Variants in SYNDIG1 observed in about 807,000 individuals in gnomAD.
The protein encoded by SYNDIG1 is synapse differentiation inducing 1, also known as synapse differentiation-inducing gene protein 1.
Under a neutral mutation model 19.4 loss-of-function variants are expected in SYNDIG1, and 9 were observed. The ratio of observed to expected loss-of-function variants is 0.46; its 90% confidence interval spans 0.28 to 0.81. The LOEUF is 0.81. Ranked by LOEUF, SYNDIG1 falls within the 30% of genes least tolerant of loss-of-function variation. The pLI is 0.12. For synonymous variants in SYNDIG1, 141 were observed against 145.9 expected (o/e 0.97, Z 0.24); for missense variants, 311 against 343.3 (o/e 0.91, Z 0.74).
intron 1 of SYNDIG1, among the ~76,000 whole-genome samples, chr20:24,535,110 C>T (rs971790326): frequency 6.6e-6 from 1 of 152,190 alleles, no homozygotes; most frequent in Non-Finnish European, 1.5e-5. Flanking sequence ...GACTCTTTAC[C>T]TGTTATGATC....
intron 3 of SYNDIG1, among the ~76,000 whole-genome samples, chr20:24,647,514 G>A (rs537333560): frequency 5.6e-4 from 85 of 152,080 alleles, no homozygotes; most frequent in African/African-American, 2.0e-3. Context: ...CCCAAAGTGC[G>A]GCACAGGGGA....
chr20:24,617,345 C>T (rs143986585), intron 3 of SYNDIG1, among the ~76,000 whole-genome samples: 1 of 152,300 alleles, frequency 6.6e-6, no homozygotes, highest in East Asian at 1.9e-4. Context: ...GCTGCCCTGT[C>T]ACCTCCGCAC....
At chr20:24,540,829 T>G (rs1457988670) in intron 1 of SYNDIG1, among the ~76,000 whole-genome samples, 1 of 152,178 alleles carries the variant, frequency 6.6e-6, no homozygotes, top group Non-Finnish European at 1.5e-5. Context: ...TTTACATCAG[T>G]GTTCATAAGG....
chr20:24,588,475 C>T (rs1425992412), intron 3 of SYNDIG1, among the ~76,000 whole-genome samples: 1 of 152,220 alleles, frequency 6.6e-6, no homozygotes, highest in Non-Finnish European at 1.5e-5. Flanking sequence ...TCCTGGACCC[C>T]CTAGGCACTT....
intron 1 of SYNDIG1, among the ~76,000 whole-genome samples, chr20:24,477,977 T>A (rs1326855419): frequency 6.6e-6 from 1 of 152,212 alleles, no homozygotes; most frequent in African/African-American, 2.4e-5. Context: ...AGGATTTGGC[T>A]CTGGGCTGGA....
chr20:24,519,038 G>C (rs2056948786), intron 1 of SYNDIG1, among the ~76,000 whole-genome samples: 1 of 152,198 alleles, frequency 6.6e-6, no homozygotes, highest in African/African-American at 2.4e-5. Flanking sequence ...ATGGCCCCAG[G>C]AATAAACTTG....
chr20:24,636,845 A>C (rs2059321134), intron 3 of SYNDIG1, among the ~76,000 whole-genome samples: 1 of 152,240 alleles, frequency 6.6e-6, no homozygotes, highest in African/African-American at 2.4e-5. Flanking sequence ...TACCCTCGCT[A>C]TCTGCCTAAA....
chr20:24,591,233 T>A (rs6049797), intron 3 of SYNDIG1, among the ~76,000 whole-genome samples: 92,126 of 150,324 alleles, frequency 0.61, 28,164 homozygotes, highest in Admixed American at 0.67. Flanking sequence ...ACAAAAATTT[T>A]AAAAAAAAAA....
intron 3 of SYNDIG1, among the ~76,000 whole-genome samples, chr20:24,594,061 T>C (rs1412381418): frequency 6.6e-6 from 1 of 152,204 alleles, no homozygotes; most frequent in Non-Finnish European, 1.5e-5. Context: ...CAATTTTTGG[T>C]TTTGTTTCTA....
At chr20:24,609,233 G>A (rs1174828777) in intron 3 of SYNDIG1, among the ~76,000 whole-genome samples, 1 of 152,210 alleles carries the variant, frequency 6.6e-6, no homozygotes, top group Non-Finnish European at 1.5e-5. Context: ...GGTGCTTAGG[G>A]AGTTATAAGA....
At chr20:24,618,046 C>CCGGGA (rs2058971647) in intron 3 of SYNDIG1, among the ~76,000 whole-genome samples, 1 of 101,654 alleles carries the variant, frequency 9.8e-6, no homozygotes, top group African/African-American at 3.9e-5. Context: ...GGGGAGAGCC[C>CCGGGA]GGGAAGCAGG....
intron 3 of SYNDIG1, among the ~76,000 whole-genome samples, chr20:24,609,470 G>A (rs374252138): frequency 2.0e-5 from 3 of 152,168 alleles, no homozygotes; most frequent in Admixed American, 6.5e-5. Context: ...CCATATGTAC[G>A]TCCCTGGAAG....
At chr20:24,661,404 GGAAAGAAGGAGGAGTT>G (rs2059588957) in intron 3 of SYNDIG1, among the ~76,000 whole-genome samples, 1 of 15,994 alleles carries the variant, frequency 6.3e-5, no homozygotes, top group African/African-American at 2.3e-4. Context: ...GGAGGAGGTA[GGAAAGAAGGAGGAGTT>G]AGGAAGGAGG....
chr20:24,568,031 C>T (rs2058082759), intron 2 of SYNDIG1, among the ~76,000 whole-genome samples: 1 of 152,060 alleles, frequency 6.6e-6, no homozygotes, highest in South Asian at 2.1e-4. Context: ...ATCCCAGCTA[C>T]TTGGGAGGCT....
rs571642270 is a variant in SYNDIG1 at position 24,547,428 on chromosome 20, G to A, written c.480+3851G>A. ...ATTTATGGGAGGTTCTCAACTATTC[G>A]GCAAGTGTTTATGATCTGTCCTGCT... On this transcript the variant is annotated intron_variant, in intron 2 of 3. Transcript: ENST00000376862. Among the ~76,000 whole-genome samples, 6 of 152,264 alleles carry A rather than the reference G, an allele frequency of 3.9e-5. 1 individual carries two copies. Among genetic ancestry groups the A allele is most frequent in the South Asian group, 4.2e-4 (2 of 4,814 alleles).
At chr20:24,654,324 C>T (rs1418762145) in intron 3 of SYNDIG1, among the ~76,000 whole-genome samples, 1 of 151,744 alleles carries the variant, frequency 6.6e-6, no homozygotes, top group African/African-American at 2.4e-5. Flanking sequence ...AGAGACAAAG[C>T]AGGAAGTAGA....
intron 1 of SYNDIG1, among the ~76,000 whole-genome samples, chr20:24,533,490 G>A (rs971695696): frequency 1.2e-4 from 18 of 152,278 alleles, no homozygotes; most frequent in African/African-American, 3.9e-4. Context: ...GTTGACAATA[G>A]TCTGATGCCT....
At chr20:24,601,551 G>T (rs1307445168) in intron 3 of SYNDIG1, among the ~76,000 whole-genome samples, 3 of 151,958 alleles carry the variant, frequency 2.0e-5, no homozygotes, top group South Asian at 2.1e-4. Flanking sequence ...CTAGGATTTT[G>T]TCAGTTTCAT....
intron 1 of SYNDIG1, among the ~76,000 whole-genome samples, chr20:24,512,367 G>A (rs568724213): frequency 2.0e-5 from 3 of 151,442 alleles, no homozygotes; most frequent in South Asian, 4.2e-4. Context: ...AAGCACAGGG[G>A]GTCAGGGAAT....
Sources: gnomAD v4.1 joint callset for allele counts (sites outside exome capture counted in the v4.1 genomes callset) on GRCh38, gnomAD v4.1.1 for gene constraint, MANE v1.5 for transcripts, NCBI Gene and HGNC (gene_info 2026-07-23, HGNC 2026-07-21) for gene names.